Variants in SLC2A3 observed in about 807,000 individuals in gnomAD.
SLC2A3 encodes the protein solute carrier family 2, facilitated glucose transporter member 3.
A neutral mutation model predicts 46.4 loss-of-function variants in SLC2A3; 21 were observed. The observed-to-expected ratio is 0.45, with a 90% CI of 0.32 to 0.65. The LOEUF (loss-of-function observed/expected upper bound fraction) is 0.65. Among genes scored for constraint, SLC2A3 ranks in the 30% least tolerant of loss-of-function variants. The pLI, the probability that SLC2A3 is intolerant of heterozygous loss-of-function variation, is 0.04. For synonymous variants in SLC2A3, 213 were observed against 239.4 expected (o/e 0.89, Z 1.02); for missense variants, 499 against 623.3 (o/e 0.80, Z 2.12).
rs1044514506 is a variant in SLC2A3 at position 7,920,745 on chromosome 12, A to T, written c.*668T>A. On this transcript the variant is annotated 3_prime_UTR_variant, in exon 10 of 10. Coordinates refer to ENST00000075120, the MANE Select transcript of SLC2A3 (RefSeq NM_006931.3). ...TCCAGCATCAAATCTTCTACTCTATAACCTCTCTTTAAACACCTCCCTCTA... is the reference window on the plus strand; with the variant it reads ...TCCAGCATCAAATCTTCTACTCTATTACCTCTCTTTAAACACCTCCCTCTA... 6.5e-6 allele frequency: 1 copy of T among 154,364 alleles called. No individual in the cohort carries two copies. Among genetic ancestry groups the T allele is most frequent in the African/African-American group, 2.4e-5 (1 of 41,422 alleles). The allele number at this position is 154,364 out of a possible 1,614,324, so 9.6% of individuals were successfully genotyped here.
intron 6 of SLC2A3, among the ~76,000 whole-genome samples, chr12:7,927,083 G>A (rs1946102656): frequency 6.6e-6 from 1 of 151,866 alleles, no homozygotes; most frequent in South Asian, 2.1e-4. Context: ...CTCTACATTG[G>A]GATTTACCTT....
Position 7,929,864 on chromosome 12 carries a change from C to T in SLC2A3, c.681G>A (p.Gln227=), listed in dbSNP as rs1946133863. The T allele has an allele frequency of 1.2e-6, 2 of 1,613,684 alleles. No homozygotes were observed. Among genetic ancestry groups the T allele is most frequent in the African/African-American group, 1.3e-5 (1 of 74,886 alleles). The change falls in exon 6 of 10, where the codon CAG becomes CAA. Residue 227 remains glutamine, a synonymous_variant. Transcript: ENST00000075120. ...ATACATCCTGGGTGCCCCACAACCG[C>T]TGGAGGACTGGTGAAAAGAAGAAAG... ...KEEENAKQIL[Q]RLWGTQDVSQ...
At chr12:7,933,787 A>G (rs759361905) in intron 2 of SLC2A3, 23 bp downstream of exon 2, 1 of 1,603,388 alleles carries the variant, frequency 6.2e-7, no homozygotes, top group Non-Finnish European at 8.5e-7. Context: ...TCTAAATTCT[A>G]ATTATTGTGG....
At chr12:7,930,836 A>G (rs1161115040) in intron 4 of SLC2A3, among the ~76,000 whole-genome samples, 194 bp from the exon 5 acceptor site, 3 of 117,972 alleles carry the variant, frequency 2.5e-5, no homozygotes, top group Admixed American at 1.3e-4. Context: ...TTGCTCTGTC[A>G]CCCAGGCTGG....
intron 3 of SLC2A3, among the ~76,000 whole-genome samples, chr12:7,932,302 G>A (rs866966237): frequency 3.3e-5 from 5 of 151,550 alleles, no homozygotes; most frequent in Admixed American, 1.3e-4. Context: ...CTCAGCCTCC[G>A]GAGTAGCTGG....
At position 7,925,785 on chromosome 12, in the gene SLC2A3, T is replaced by G. The variant is rs377334274; in HGVS notation, c.966+59A>C. On this transcript the variant is annotated intron_variant, in intron 7 of 9. Transcript: ENST00000075120. ...ATGGTAGGGTCATGCAATCCATCTTTGAACATCTGTAGCAAGGATTCTTTT... is the reference window on the plus strand; with the variant it reads ...ATGGTAGGGTCATGCAATCCATCTTGGAACATCTGTAGCAAGGATTCTTTT... The G allele has an allele frequency of 3.5e-4, 463 of 1,326,774 alleles. 1 individual carries two copies. Among genetic ancestry groups the G allele is most frequent in the Non-Finnish European group, 4.8e-4 (446 of 922,028 alleles). 82.2% of individuals were successfully genotyped at this position (1,326,774 alleles called of 1,614,324 possible). A position where few individuals can be genotyped will look rare whatever the true frequency, so the allele number is the denominator to read the frequency against.
At chr12:7,923,808 G>C (rs1196641133) in intron 8 of SLC2A3, among the ~76,000 whole-genome samples, 1 of 140,268 alleles carries the variant, frequency 7.1e-6, no homozygotes. Flanking sequence ...CGCTCTTGTC[G>C]CTCAGGCTGG....
intron 7 of SLC2A3, 85 bp downstream of exon 7, chr12:7,925,759 G>A: frequency 9.6e-7 from 1 of 1,039,232 alleles, no homozygotes; most frequent in Non-Finnish European, 1.5e-6. Context: ...GTAACTAAAT[G>A]ATGGTAGGGT....
rs17728193 is a variant in SLC2A3 at position 7,933,003 on chromosome 12, C to T, written c.253G>A (p.Val85Ile). The change falls in exon 3 of 10, where the codon GTC becomes ATC. Residue 85 changes from valine to isoleucine, a missense_variant. Transcript: ENST00000075120. ...AGTCAATACCTGCCAAAGCGGTTGA[C>T]GAAGAGTCCGACGGAAAAGGAGCCG... ...MIGSFSVGLF[V>I]NRFGRRNSML... is the part of the protein sequence containing the mutation. The T allele has an allele frequency of 2.2e-5, 35 of 1,613,892 alleles. No homozygotes were observed. Among genetic ancestry groups the T allele is most frequent in the Non-Finnish European group, 2.7e-5 (32 of 1,180,012 alleles).
At position 7,933,904 on chromosome 12, in the gene SLC2A3, T is replaced by C; in HGVS notation, c.16-2A>G. 1 of 1,613,426 alleles carries C rather than the reference T, an allele frequency of 6.2e-7. No homozygotes were observed. The highest frequency in any genetic ancestry group is 8.5e-7 in the Non-Finnish European group (1 of 1,179,474). ...GGCAAATATCAGAGCTGGGGTGACC[T>C]GGAGGGAGGGAAGACAGAGGAGAGA... On this transcript the variant is annotated splice_acceptor_variant, in intron 1 of 9. Coordinates refer to ENST00000075120, the MANE Select transcript of SLC2A3 (RefSeq NM_006931.3). LOFTEE classifies it high-confidence loss of function.
chr12:7,922,741 G>A, intron 9 of SLC2A3, 80 bp downstream of exon 9: 2 of 1,578,434 alleles, frequency 1.3e-6, no homozygotes, highest in South Asian at 2.3e-5. Context: ...ACCATGCCAG[G>A]CCCAGACTAC....
In SLC2A3 at chr12:7,919,555, G is replaced by C. The variant is rs964932414; in HGVS notation, c.*1858C>G. The C allele has an allele frequency of 2.0e-5, 3 of 152,290 alleles. No individual in the cohort carries two copies. Among genetic ancestry groups the C allele is most frequent in the African/African-American group, 7.2e-5 (3 of 41,396 alleles). The allele number at this position is 152,290 out of a possible 1,614,324, so 9.4% of individuals were successfully genotyped here. A position where few individuals can be genotyped will look rare whatever the true frequency, so the allele number is the denominator to read the frequency against. On this transcript the variant is annotated 3_prime_UTR_variant, in exon 10 of 10. Coordinates refer to ENST00000075120, the MANE Select transcript of SLC2A3 (RefSeq NM_006931.3). ...TCCCGCCTCAGCTTCCCAAGTAGCT[G>C]GGATTACAGGCGCCCGCCACCACGC...
rs752981317 is a variant in SLC2A3, at chr12:7,933,012, C to T, written c.244G>A (p.Gly82Arg). 119 of 1,614,008 alleles carry T rather than the reference C, an allele frequency of 7.4e-5. 3 individuals are homozygous for T. The South Asian group carries it at 1.1e-3, about 15-fold the overall frequency. Residue 82 changes from glycine (G) to arginine (R), a missense_variant, in exon 3 of 10, where the codon GGA (glycine) becomes AGA (arginine). Transcript: ENST00000075120. ...VGGMIGSFSV[G>R]LFVNRFGRRN... Reference sequence around the variant, plus strand: ...CTGCCAAAGCGGTTGACGAAGAGTCCGACGGAAAAGGAGCCGATCATACCC... The same window carrying T: ...CTGCCAAAGCGGTTGACGAAGAGTCTGACGGAAAAGGAGCCGATCATACCC...
At chr12:7,930,246 T>A in intron 5 of SLC2A3, 1 of 529,760 alleles carries the variant, frequency 1.9e-6, no homozygotes, top group Non-Finnish European at 3.2e-6. Context: ...CCTCTTATAA[T>A]GCTGGATTAC....
intron 8 of SLC2A3, 175 bp from the exon 9 acceptor site, chr12:7,923,199 T>C (rs1178025238): frequency 3.0e-6 from 2 of 672,106 alleles, no homozygotes; most frequent in South Asian, 2.1e-5. Flanking sequence ...GACAGGGTCT[T>C]ACTCTGTTGC....
chr12:7,922,447 A>C (rs1946047590), intron 9 of SLC2A3, among the ~76,000 whole-genome samples: 1 of 152,096 alleles, frequency 6.6e-6, no homozygotes, highest in African/African-American at 2.4e-5. Flanking sequence ...ACTGAAGAAG[A>C]GGAGGGACTG....
intron 6 of SLC2A3, 160 bp downstream of exon 6, chr12:7,929,524 G>T: frequency 1.0e-6 from 1 of 1,003,818 alleles, no homozygotes; most frequent in Non-Finnish European, 1.4e-6. Flanking sequence ...GAATGCAGTG[G>T]CATAATTATA....
At chr12:7,928,849 G>T (rs990713485) in intron 6 of SLC2A3, among the ~76,000 whole-genome samples, 3 of 151,622 alleles carry the variant, frequency 2.0e-5, no homozygotes, top group Non-Finnish European at 1.5e-5. Context: ...TTTAAAGACA[G>T]GGTCATACTA....
rs757115403 is a variant in SLC2A3 at position 7,935,817 on chromosome 12, T to C, written c.15+203A>G. Among the ~76,000 whole-genome samples the C allele has an allele frequency of 6.6e-5, 10 of 152,186 alleles. No individual in the cohort carries two copies. The South Asian group carries it at 2.1e-3, about 32-fold the overall frequency. ...CAAACACAACTTCTCCGGGTGACTT[T>C]CCTATGATAAGGTGAACAGAACTGT... On this transcript the variant is annotated intron_variant, in intron 1 of 9. Coordinates refer to ENST00000075120, the MANE Select transcript of SLC2A3 (RefSeq NM_006931.3).
Sources: gnomAD v4.1 joint callset for allele counts (sites outside exome capture counted in the v4.1 genomes callset) on GRCh38, gnomAD v4.1.1 for gene constraint, MANE v1.5 for transcripts, NCBI Gene and HGNC (gene_info 2026-07-23, HGNC 2026-07-21) for gene names.